ZBED6: variants seen among roughly 807,000 people sequenced by gnomAD.
ZBED6 encodes zinc finger BED-type containing 6, also known as zinc finger BED domain-containing protein 6.
Under a neutral mutation model 58.4 loss-of-function variants are expected in ZBED6, and 40 were observed. That is an observed-to-expected ratio of 0.68 (90% CI 0.53 to 0.89). ZBED6 has a LOEUF of 0.89. Ranked by LOEUF, ZBED6 falls within the 40% of genes least tolerant of loss-of-function variation. The pLI, the probability that ZBED6 is intolerant of heterozygous loss-of-function variation, is 0.00. For missense variants in ZBED6, 1,057 were observed against 1,003.9 expected (o/e 1.05, Z -0.71); for synonymous variants, 439 against 350.6 (o/e 1.25, Z -2.82).
exon 1 of ZBED6, chr1:203,798,930 T>C: frequency 6.5e-7 from 1 of 1,536,134 alleles, no homozygotes; most frequent in Non-Finnish European, 8.7e-7. Context: ...AAAAATTTTC[T>C]TAACTTTAGA....
chr1:203,819,184 A>G (rs556928750), intron 3 of ZBED6, among the ~76,000 whole-genome samples: 10 of 151,292 alleles, frequency 6.6e-5, no homozygotes, highest in Admixed American at 4.6e-4. Context: ...GTGTATATAT[A>G]TACACAACTT....
intron 9 of ZBED6, 82 bp from the exon 10 acceptor site, chr1:203,837,884 T>C: frequency 1.5e-6 from 2 of 1,294,398 alleles, no homozygotes; most frequent in East Asian, 2.3e-5. Flanking sequence ...AGAATTATGC[T>C]ATGTTGTCTG....
chr1:203,850,712 A>C (rs1457169028), intron 15 of ZBED6, 31 bp downstream of exon 15: 2 of 1,602,712 alleles, frequency 1.2e-6, no homozygotes, highest in African/African-American at 2.7e-5. Flanking sequence ...GTGGTGCTTT[A>C]TTCTGTGTGG....
At chr1:203,833,704 T>C (rs1683256349) in intron 8 of ZBED6, 87 bp from the exon 9 acceptor site, 1 of 1,033,826 alleles carries the variant, frequency 9.7e-7, no homozygotes, top group Non-Finnish European at 1.3e-6. Flanking sequence ...TTTACACTAA[T>C]ATCAGAACAT....
chr1:203,848,075 C>CA (rs1688357767), intron 12 of ZBED6, among the ~76,000 whole-genome samples: 1 of 152,240 alleles, frequency 6.6e-6, no homozygotes, highest in African/African-American at 2.4e-5. Context: ...AGGCTGGTCT[C>CA]AAACTCCTCA....
intron 8 of ZBED6, among the ~76,000 whole-genome samples, chr1:203,832,261 A>G (rs1204510294): frequency 2.0e-5 from 3 of 151,374 alleles, no homozygotes; most frequent in African/African-American, 2.4e-5. Flanking sequence ...GGGTTTCTCC[A>G]TGTTGGTCTG....
rs1418042057 is a variant in ZBED6, at chr1:203,840,378, A to C, written c.*3741+4A>C. The C allele has an allele frequency of 6.2e-7, 1 of 1,612,012 alleles. No homozygotes were observed. Among genetic ancestry groups the C allele is most frequent in the East Asian group, 2.2e-5 (1 of 44,754 alleles). Reference sequence around the variant, plus strand: ...CCAGATAATGAGGATGCAACAGGTAAGTAAATCCTAAGACCAGATTCTGAT... The same window carrying C: ...CCAGATAATGAGGATGCAACAGGTACGTAAATCCTAAGACCAGATTCTGAT... On this transcript the variant is annotated splice_donor_region_variant and intron_variant, in intron 11 of 16. Coordinates refer to ENST00000550078, the Ensembl canonical transcript of ZBED6.
At position 203,845,793 on chromosome 1, in the gene ZBED6, G is replaced by A. The variant is rs1354859897; in HGVS notation, c.*3742-1391G>A. Among the ~76,000 whole-genome samples the A allele has an allele frequency of 2.0e-5, 3 of 152,126 alleles. No individual in the cohort carries two copies. The East Asian group carries it at 5.8e-4, about 29-fold the overall frequency. On this transcript the variant is annotated intron_variant, in intron 11 of 16. Transcript: ENST00000550078. ...GGCAGAGAATCACTTGAACCCAGGA[G>A]ATGTAGGTTGCGGTGAGTCAAGATG...
rs912695980 is a variant in ZBED6, at chr1:203,848,652, C to T, written c.*4322+245C>T. Among the ~76,000 whole-genome samples the T allele has an allele frequency of 2.6e-5, 4 of 152,286 alleles. 1 individual carries two copies. The highest frequency in any genetic ancestry group is 6.8e-3 in the Middle Eastern group (2 of 294). ...CCTGTAATCCCAGCACTTTGGGAGG[C>T]TGAGGCGGGCGGATCACGAGGTCAG... is the stretch of plus-strand genomic sequence containing the variant. On this transcript the variant is annotated intron_variant, in intron 13 of 16. Transcript: ENST00000550078.
intron 7 of ZBED6, among the ~76,000 whole-genome samples, chr1:203,830,875 TTTC>T (rs1682034430): frequency 6.6e-6 from 1 of 151,664 alleles, no homozygotes; most frequent in African/African-American, 2.4e-5. Flanking sequence ...CTGCTAGGAT[TTTC>T]TTCTGGAGCT....
At chr1:203,796,356 T>C (rs1668495670) in exon 1 of ZBED6, 1 of 398,738 alleles carries the variant, frequency 2.5e-6, no homozygotes, top group East Asian at 3.6e-5. Flanking sequence ...CTTATTCCGG[T>C]ATCCTACACC....
At chr1:203,849,644 G>C (rs1688788486) in intron 13 of ZBED6, 67 bp from the exon 14 acceptor site, 1 of 1,448,142 alleles carries the variant, frequency 6.9e-7, no homozygotes, top group Non-Finnish European at 9.6e-7. Context: ...ATGTTAGCCT[G>C]GTACTTACAT....
At chr1:203,850,410 G>T in intron 14 of ZBED6, 105 bp from the exon 15 acceptor site, 8 of 1,469,424 alleles carry the variant, frequency 5.4e-6, no homozygotes, top group Non-Finnish European at 6.7e-6. Flanking sequence ...TGAATTATTT[G>T]TGGTATTTCT....
chr1:203,808,119 T>A (rs1673010152), intron 1 of ZBED6, among the ~76,000 whole-genome samples: 1 of 152,170 alleles, frequency 6.6e-6, no homozygotes, highest in Admixed American at 6.5e-5. Context: ...TTCTTGAGTA[T>A]TTTTCAAAAG....
intron 9 of ZBED6, chr1:203,834,073 C>T: frequency 2.5e-6 from 3 of 1,206,166 alleles, no homozygotes; most frequent in South Asian, 3.7e-5. Context: ...CCATGACCAG[C>T]GTTTTGGAAG....
chr1:203,797,860 G>T (rs1436833360), exon 1 of ZBED6: 3 of 1,536,002 alleles, frequency 2.0e-6, no homozygotes, highest in African/African-American at 2.7e-5. Flanking sequence ...GATGAAGAAA[G>T]TCTTTTTGAG....
At chr1:203,797,593 A>T (rs1428394754) in exon 1 of ZBED6, 1 of 1,533,646 alleles carries the variant, frequency 6.5e-7, no homozygotes, top group East Asian at 2.4e-5. Context: ...ACTTTTAGTG[A>T]TTCTGGGATT....
At chr1:203,835,566 GACTT>G (rs545434839) in intron 9 of ZBED6, 222 of 169,870 alleles carry the variant, frequency 1.3e-3, no homozygotes, top group African/African-American at 5.0e-3. Context: ...CACTTTTACT[GACTT>G]TTCATTAGCT....
At chr1:203,848,355 A>G in exon 13 of ZBED6, 3 of 1,613,180 alleles carry the variant, frequency 1.9e-6, no homozygotes, top group Non-Finnish European at 1.7e-6. Flanking sequence ...AAGAACCTTC[A>G]GGAAGGAAAT....
Sources: allele counts gnomAD v4.1 joint callset (sites outside exome capture counted in the v4.1 genomes callset), GRCh38; gene constraint gnomAD v4.1.1; transcripts MANE v1.5; gene names NCBI Gene and HGNC (gene_info 2026-07-23, HGNC 2026-07-21).